KCP: variants seen among roughly 807,000 people sequenced by gnomAD.
KCP encodes the protein kielin cysteine rich BMP regulator.
Under a neutral mutation model 212.7 loss-of-function variants are expected in KCP, and 194 were observed. That is an observed-to-expected ratio of 0.91 (90% CI 0.81 to 1.03). The LOEUF (loss-of-function observed/expected upper bound fraction) is 1.03. KCP is among the 50% of genes least tolerant of loss of function. The pLI is 0.00. For synonymous variants in KCP, 833 were observed against 865.3 expected (o/e 0.96, Z 0.65); for missense variants, 2,080 against 2,162.5 (o/e 0.96, Z 0.76).
Position 128,891,684 on chromosome 7 carries a change from T to G in KCP, c.1757A>C (p.His586Pro), listed in dbSNP as rs1283169129. The change falls in exon 17 of 40, where the codon CAC becomes CCC. Residue 586 changes from histidine to proline, a missense_variant. His to Pro is a moderately conservative substitution (Grantham distance 77, BLOSUM62 -2). Transcript: ENST00000610776. The part of the protein sequence containing the change: ...PRPCPRAPCA[H>P]PLPGTCCPND... Reference sequence around the variant, plus strand: ...CGGGCAGCAGGTCCCAGGCAGCGGGTGGGCACAGGGGGCCCTGGGGCAGGG... The same window carrying G: ...CGGGCAGCAGGTCCCAGGCAGCGGGGGGGCACAGGGGGCCCTGGGGCAGGG... 1 of 1,454,596 alleles carries G rather than the reference T, an allele frequency of 6.9e-7. No individual in the cohort carries two copies. Among genetic ancestry groups the G allele is most frequent in the African/African-American group, 1.4e-5 (1 of 69,912 alleles). The allele number at this position is 1,454,596 out of a possible 1,614,324, so 90.1% of individuals were successfully genotyped here.
chr7:128,881,062 G>T lies in KCP; in HGVS notation c.3448C>A (p.Arg1150=). Residue 1150 remains arginine, a synonymous_variant, in exon 32 of 40, where the codon CGG becomes AGG. Coordinates refer to ENST00000610776, the MANE Select transcript of KCP (RefSeq NM_001366122.1). ...CAGCTCTCTCCATCTGCCACTCTCC[G>T]GCCCTCGGCCTCCACCACACATTCT... ...CRECVVEAEG[R]RVADGESWRD... 1 of 398,890 alleles carries T rather than the reference G, an allele frequency of 2.5e-6. No individual in the cohort carries two copies. Among genetic ancestry groups the T allele is most frequent in the Admixed American group, 4.4e-5 (1 of 22,728 alleles). The allele number at this position is 398,890 out of a possible 1,614,324, so 24.7% of individuals were successfully genotyped here.
intron 38 of KCP, 131 bp downstream of exon 38, chr7:128,878,427 C>T: frequency 1.9e-6 from 2 of 1,039,206 alleles, no homozygotes; most frequent in African/African-American, 1.6e-5. Flanking sequence ...CCCACACCTC[C>T]CTGAAAGCCC....
Position 128,891,834 on chromosome 7 carries a change from G to A in KCP, c.1622-15C>T. 2 of 1,437,238 alleles carry A rather than the reference G, an allele frequency of 1.4e-6. No homozygotes were observed. The highest frequency in any genetic ancestry group is 1.8e-6 in the Non-Finnish European group (2 of 1,092,792). The allele number at this position is 1,437,238 out of a possible 1,614,324, so 89.0% of individuals were successfully genotyped here. A position where few individuals can be genotyped will look rare whatever the true frequency, so the allele number is the denominator to read the frequency against. ...CAGGATGCAGTCTGGGCAGTGGATG[G>A]TGGGGGCAGGTATGAGGGCAAAGCC... On this transcript the variant is annotated splice_polypyrimidine_tract_variant and intron_variant, in intron 16 of 39. Coordinates refer to ENST00000610776, the MANE Select transcript of KCP (RefSeq NM_001366122.1).
In KCP at chr7:128,890,525, G is replaced by C; in HGVS notation, c.2165-12C>G. On this transcript the variant is annotated splice_polypyrimidine_tract_variant and intron_variant, in intron 20 of 39. Coordinates refer to ENST00000610776, the MANE Select transcript of KCP (RefSeq NM_001366122.1). ...CTGGTACAGGCAGCCTGGGGAGAAG[G>C]GCAGGGGCTGGGGGGCCGTGGGGAC... 3.2e-6 allele frequency: 5 copies of C among 1,543,066 alleles called. No individual in the cohort carries two copies. Among genetic ancestry groups the C allele is most frequent in the Non-Finnish European group, 4.4e-6 (5 of 1,144,358 alleles).
Position 128,892,741 on chromosome 7 carries a change from T to C in KCP, c.1474A>G (p.Asn492Asp). The change falls in exon 15 of 40, where the codon AAT becomes GAT. Residue 492 changes from asparagine (N) to aspartate (D), a missense_variant. Physicochemically the swap from Asn to Asp is conservative, Grantham distance 23 (BLOSUM62 1). Coordinates refer to ENST00000610776, the MANE Select transcript of KCP (RefSeq NM_001366122.1). ...SCTYHSQVYANGQNFTDADSP... is the reference protein window; with the variant it reads ...SCTYHSQVYADGQNFTDADSP... ...TCTGCATCCGTGAAGTTCTGCCCATTGGCATACACTTGGCTGTGGTAGGTG... is the reference window on the plus strand; with the variant it reads ...TCTGCATCCGTGAAGTTCTGCCCATCGGCATACACTTGGCTGTGGTAGGTG... The C allele has an allele frequency of 6.4e-7, 1 of 1,551,694 alleles. No individual in the cohort carries two copies. Among genetic ancestry groups the C allele is most frequent in the Non-Finnish European group, 8.7e-7 (1 of 1,146,956 alleles).
At chr7:128,909,493 G>A (rs900172039) in intron 1 of KCP, among the ~76,000 whole-genome samples, 7 of 152,190 alleles carry the variant, frequency 4.6e-5, no homozygotes, top group Admixed American at 4.6e-4. Flanking sequence ...CAAGTTCCCT[G>A]GCTTGGTTAA....
Position 128,880,535 on chromosome 7 carries a change from G to C in KCP, c.3617-7C>G. 6.8e-7 allele frequency: 1 copy of C among 1,462,014 alleles called. No homozygotes were observed. The highest frequency in any genetic ancestry group is 9.1e-7 in the Non-Finnish European group (1 of 1,096,184). The allele number at this position is 1,462,014 out of a possible 1,614,324, so 90.6% of individuals were successfully genotyped here. A position where few individuals can be genotyped will look rare whatever the true frequency, so the allele number is the denominator to read the frequency against. ...ACGCAGGACTGGGTGGGAGCTGAAGGGATAGGAGCTGGGAGGGTCAGCTGC... is the reference window on the plus strand; with the variant it reads ...ACGCAGGACTGGGTGGGAGCTGAAGCGATAGGAGCTGGGAGGGTCAGCTGC... On this transcript the variant is annotated splice_region_variant and splice_polypyrimidine_tract_variant and intron_variant, in intron 33 of 39. Coordinates refer to ENST00000610776, the MANE Select transcript of KCP (RefSeq NM_001366122.1).
chr7:128,889,149 TAGCG>T, intron 21 of KCP, 110 bp from the exon 22 acceptor site: 1 of 561,336 alleles, frequency 1.8e-6, no homozygotes. Flanking sequence ...CTCAAAGATC[TAGCG>T]TGGGGGCTGG....
At position 128,877,129 on chromosome 7, in the gene KCP, C is replaced by A. The variant is rs202223303; in HGVS notation, c.4801G>T (p.Glu1601Ter). ...VEHEAHCIPP[E>*]ACPQVLLTGD... Reference sequence around the variant, plus strand: ...GTGAGCAGGACTTGGGGGCAGGCCTCGGGTGGGATGCAGTGGGCCTCATGC... The same window carrying A: ...GTGAGCAGGACTTGGGGGCAGGCCTAGGGTGGGATGCAGTGGGCCTCATGC... The change falls in exon 40 of 40, where the codon GAG (glutamate) becomes TAG (stop). Residue 1601 changes from glutamate (E) to a stop codon, truncating the protein, a stop_gained. Transcript: ENST00000610776. LOFTEE classifies it low-confidence loss of function (END_TRUNC). 6.6e-7 allele frequency: 1 copy of A among 1,510,352 alleles called. No individual in the cohort carries two copies. Among genetic ancestry groups the A allele is most frequent in the Admixed American group, 2.5e-5 (1 of 39,620 alleles). The allele number at this position is 1,510,352 out of a possible 1,614,324, so 93.6% of individuals were successfully genotyped here.
At position 128,886,954 on chromosome 7, in the gene KCP, G is replaced by A. The variant is rs201608184; in HGVS notation, c.2611C>T (p.Arg871Cys). Residue 871 changes from arginine (R) to cysteine (C), a missense_variant, in exon 24 of 40, where the codon CGC (arginine) becomes TGC (cysteine). Coordinates refer to ENST00000610776, the MANE Select transcript of KCP (RefSeq NM_001366122.1). Reference protein sequence around the residue: ...SLCTCQEGSMRCQKKPCPPAL... With the variant: ...SLCTCQEGSMCCQKKPCPPAL... ...GGGGGACATGGCTTCTTCTGGCAGC[G>A]CATGGAACCTTCCTGGGGGAGAGAG... 1,045 of 1,515,782 alleles carry A rather than the reference G, an allele frequency of 6.9e-4. 1 individual carries two copies. The highest frequency in any genetic ancestry group is 8.9e-4 in the Non-Finnish European group (1,001 of 1,118,760). The allele number at this position is 1,515,782 out of a possible 1,614,324, so 93.9% of individuals were successfully genotyped here.
intron 21 of KCP, 104 bp from the exon 22 acceptor site, chr7:128,889,143 A>C: frequency 1.5e-6 from 1 of 657,946 alleles, no homozygotes; most frequent in Non-Finnish European, 2.1e-6. Context: ...CAAGATCTCA[A>C]AGATCTAGCG....
chr7:128,891,823 G>T lies in KCP; in HGVS notation c.1622-4C>A. ...ACCTCTTCCTCCAGGATGCAGTCTG[G>T]GCAGTGGATGGTGGGGGCAGGTATG... On this transcript the variant is annotated splice_region_variant and splice_polypyrimidine_tract_variant and intron_variant, in intron 16 of 39. Transcript: ENST00000610776. 1 of 1,443,468 alleles carries T rather than the reference G, an allele frequency of 6.9e-7. No individual in the cohort carries two copies. Among genetic ancestry groups the T allele is most frequent in the South Asian group, 1.5e-5 (1 of 66,738 alleles). The allele number at this position is 1,443,468 out of a possible 1,614,324, so 89.4% of individuals were successfully genotyped here.
chr7:128,908,303 A>AAAGAAAGAAAGAAAGAAAGG (rs1795261060), intron 2 of KCP, 123 bp downstream of exon 2: 2 of 704,890 alleles, frequency 2.8e-6, no homozygotes, highest in African/African-American at 3.7e-5. Flanking sequence ...AGAAAGAAAG[A>AAAGAAAGAAAGAAAGAAAGG]AAGGGAATTG....
In KCP at chr7:128,910,654, G is replaced by A. The variant is rs1055484310; in HGVS notation, c.23C>T (p.Ala8Val). The A allele has an allele frequency of 1.3e-6, 2 of 1,510,650 alleles. No homozygotes were observed. Among genetic ancestry groups the A allele is most frequent in the Non-Finnish European group, 1.8e-6 (2 of 1,136,674 alleles). The allele number at this position is 1,510,650 out of a possible 1,614,324, so 93.6% of individuals were successfully genotyped here. A position where few individuals can be genotyped will look rare whatever the true frequency, so the allele number is the denominator to read the frequency against. MAGVGAA[A>V]LSLLLHLGAL... ...CCCGAGGTGCAGGAGAAGGGACAGC[G>A]CAGCGGCCCCGACCCCGGCCATGCT... Residue 8 changes from alanine (A) to valine (V), a missense_variant, in exon 1 of 40, where the codon GCG becomes GTG. By Grantham distance (64) the Ala-to-Val change is moderately conservative (BLOSUM62 0). Transcript: ENST00000610776.
intron 19 of KCP, 39 bp downstream of exon 19, chr7:128,891,146 G>T: frequency 6.5e-7 from 1 of 1,537,022 alleles, no homozygotes; most frequent in Middle Eastern, 1.8e-4. Context: ...CCTCCGAGGG[G>T]ACCCCCAGGG....
Position 128,878,572 on chromosome 7 carries a change from C to T in KCP, c.4297G>A (p.Gly1433Arg). 6.4e-7 allele frequency: 1 copy of T among 1,551,286 alleles called. No homozygotes were observed. The part of the protein sequence containing the change: ...GLLLPSEAAF[G>R]NSWQVSEGLW... ...GTACCACTCACCTGCCAGCTATTCCCAAACGCAGCCTCCGAGGGCAGGAGC... is the reference window on the plus strand; with the variant it reads ...GTACCACTCACCTGCCAGCTATTCCTAAACGCAGCCTCCGAGGGCAGGAGC... Residue 1433 changes from glycine to arginine, a missense_variant, in exon 38 of 40, where the codon GGG becomes AGG. By Grantham distance (125) the Gly-to-Arg change is moderately radical. Coordinates refer to ENST00000610776, the MANE Select transcript of KCP (RefSeq NM_001366122.1).
rs1212657155 is a variant in KCP, at chr7:128,884,007, C to A, written c.3239G>T (p.Cys1080Phe). 6.5e-7 allele frequency: 1 copy of A among 1,548,790 alleles called. No individual in the cohort carries two copies. Among genetic ancestry groups the A allele is most frequent in the Admixed American group, 2.0e-5 (1 of 50,806 alleles). Reference sequence around the variant, plus strand: ...CCCCACATCCCTGGACTCACCGGCACAGGTGGGACAGCAGTGCTGGGGCCC... The same window carrying A: ...CCCCACATCCCTGGACTCACCGGCAAAGGTGGGACAGCAGTGCTGGGGCCC... ...PPGPQHCCPT[C>F]AEALSNCSEG... Residue 1080 changes from cysteine (C) to phenylalanine (F), a missense_variant, in exon 29 of 40, where the codon TGT (cysteine) becomes TTT (phenylalanine). By Grantham distance (205) the Cys-to-Phe change is radical. Transcript: ENST00000610776.
chr7:128,893,829 C>T lies in KCP; in HGVS notation c.1076G>A (p.Gly359Glu). Reference sequence around the variant, plus strand: ...ACCATCGCAGACAGGGCAGCACTGCCCAGGGATCTTGCCTGGGTGTCTGCA... The same window carrying T: ...ACCATCGCAGACAGGGCAGCACTGCTCAGGGATCTTGCCTGGGTGTCTGCA... ...VPCRHPGKIP[G>E]QCCPVCDGCE... Residue 359 changes from glycine (G) to glutamate (E), a missense_variant, in exon 11 of 40, where the codon GGG (glycine) becomes GAG (glutamate). Gly to Glu is a moderately conservative substitution (Grantham distance 98). Coordinates refer to ENST00000610776, the MANE Select transcript of KCP (RefSeq NM_001366122.1). 6.4e-7 allele frequency: 1 copy of T among 1,551,188 alleles called. No homozygotes were observed. Among genetic ancestry groups the T allele is most frequent in the Non-Finnish European group, 8.7e-7 (1 of 1,146,968 alleles).
At chr7:128,882,572 G>A (rs1353362313) in intron 29 of KCP, among the ~76,000 whole-genome samples, 1 of 152,168 alleles carries the variant, frequency 6.6e-6, no homozygotes, top group African/African-American at 2.4e-5. Context: ...GCATGGAACA[G>A]GTGCTTAATC....
Sources: allele counts gnomAD v4.1 joint callset (sites outside exome capture counted in the v4.1 genomes callset), GRCh38; gene constraint gnomAD v4.1.1; transcripts MANE v1.5; gene names NCBI Gene and HGNC (gene_info 2026-07-23, HGNC 2026-07-21).